The following RBFOX2 variants were observed in gnomAD, a reference collection of about 807,000 sequenced individuals.
The protein encoded by RBFOX2 is RNA binding fox-1 homolog 2, also known as RNA binding protein fox-1 homolog 2.
In RBFOX2, 10 loss-of-function variants were observed where a neutral mutation model predicts 49.1. That is an observed-to-expected ratio of 0.20 (90% CI 0.13 to 0.35). RBFOX2 has a LOEUF of 0.35. RBFOX2 is among the 10% of genes least tolerant of loss of function. The probability of loss-of-function intolerance (pLI) is 1.00; values close to 1 mark genes in which losing one functional copy is unlikely to be tolerated. For synonymous variants in RBFOX2, 183 were observed against 187.4 expected (o/e 0.98, Z 0.19); for missense variants, 323 against 486.9 (o/e 0.66, Z 3.17).
intron 1 of RBFOX2, among the ~76,000 whole-genome samples, chr22:36,023,109 A>G (rs147431491): frequency 2.0e-5 from 3 of 152,328 alleles, no homozygotes; most frequent in Non-Finnish European, 2.9e-5. Context: ...CTTGAATGGT[A>G]GCACCATGCT....
At chr22:35,776,460 ATACATTC>A (rs1420632132) in intron 4 of RBFOX2, among the ~76,000 whole-genome samples, 3 of 152,238 alleles carry the variant, frequency 2.0e-5, no homozygotes, top group African/African-American at 7.2e-5. Context: ...TTTAGTGTTG[ATACATTC>A]TACAAAGGAA....
intron 1 of RBFOX2, among the ~76,000 whole-genome samples, chr22:35,859,993 A>G (rs1298839949): frequency 1.3e-5 from 2 of 152,262 alleles, no homozygotes; most frequent in African/African-American, 4.8e-5. Context: ...ATAATTTCAC[A>G]TACATTATCT....
chr22:35,802,551 G>A lies in RBFOX2; in HGVS notation c.252+7229C>T, dbSNP rs576222223. On this transcript the variant is annotated intron_variant, in intron 2 of 11. Coordinates refer to ENST00000405409, the Ensembl canonical transcript of RBFOX2. ...CTTAGTTTTATCAGGTGAGGGCTGG[G>A]ACCATAAAAACCAGCAATTTTCACT... 2.6e-5 allele frequency among the ~76,000 whole-genome samples: 4 copies of A among 152,268 alleles called. No individual in the cohort carries two copies. The East Asian group carries it at 7.7e-4, about 29-fold the overall frequency.
chr22:35,825,332 G>A (rs1955426439), intron 1 of RBFOX2, among the ~76,000 whole-genome samples: 1 of 151,874 alleles, frequency 6.6e-6, no homozygotes, highest in Admixed American at 6.6e-5. Context: ...TTGGCCAAAG[G>A]TGGGTTACAG....
intron 1 of RBFOX2, among the ~76,000 whole-genome samples, chr22:36,014,729 G>A (rs2058967657): frequency 6.6e-6 from 1 of 152,078 alleles, no homozygotes; most frequent in Non-Finnish European, 1.5e-5. Context: ...CCTAGAGAAA[G>A]AAACGCAGAG....
chr22:36,013,169 G>C (rs919306676), intron 1 of RBFOX2, among the ~76,000 whole-genome samples: 1 of 151,962 alleles, frequency 6.6e-6, no homozygotes, highest in African/African-American at 2.4e-5. Flanking sequence ...ACCTACTTGG[G>C]AGGCTGAAGC....
intron 1 of RBFOX2, among the ~76,000 whole-genome samples, chr22:36,025,104 G>A (rs1319215513): frequency 6.6e-6 from 1 of 152,260 alleles, no homozygotes; most frequent in African/African-American, 2.4e-5. Flanking sequence ...CACTGCGCCC[G>A]GCTAAGATTT....
chr22:35,953,534 G>A (rs560418362), intron 1 of RBFOX2, among the ~76,000 whole-genome samples: 3 of 152,260 alleles, frequency 2.0e-5, no homozygotes, highest in East Asian at 1.9e-4. Context: ...TAATGGATAC[G>A]GGTGATGTAT....
intron 9 of RBFOX2, among the ~76,000 whole-genome samples, chr22:35,754,785 T>C (rs1351053653): frequency 6.6e-6 from 1 of 152,214 alleles, no homozygotes; most frequent in Non-Finnish European, 1.5e-5. Context: ...TAATGAAATA[T>C]GGATTGGTTG....
chr22:35,916,505 C>T (rs140818453), intron 1 of RBFOX2, among the ~76,000 whole-genome samples: 28 of 152,254 alleles, frequency 1.8e-4, no homozygotes, highest in African/African-American at 5.8e-4. Context: ...TGGTCTTGAA[C>T]GCCTAGCCTC....
intron 2 of RBFOX2, among the ~76,000 whole-genome samples, chr22:35,809,397 G>C (rs1951392465): frequency 6.6e-6 from 1 of 151,962 alleles, no homozygotes; most frequent in African/African-American, 2.4e-5. Context: ...ATGTACAGAT[G>C]AAAGAAAGAA....
intron 1 of RBFOX2, among the ~76,000 whole-genome samples, chr22:35,956,828 A>G (rs952449902): frequency 1.3e-5 from 2 of 152,334 alleles, no homozygotes; most frequent in South Asian, 2.1e-4. Flanking sequence ...TATTTGTATT[A>G]CCCATTTTGC....
At chr22:35,766,535 C>T (rs954618237) in intron 5 of RBFOX2, among the ~76,000 whole-genome samples, 1 of 151,858 alleles carries the variant, frequency 6.6e-6, no homozygotes, top group African/African-American at 2.4e-5. Flanking sequence ...GTGATAATCC[C>T]CCATATGAGG....
intron 1 of RBFOX2, among the ~76,000 whole-genome samples, chr22:35,986,485 G>C (rs1175859571): frequency 6.6e-6 from 1 of 152,110 alleles, no homozygotes; most frequent in Non-Finnish European, 1.5e-5. Context: ...TGAAAAACGT[G>C]CACCTCAAAA....
intron 1 of RBFOX2, among the ~76,000 whole-genome samples, chr22:35,929,637 T>C (rs992283882): frequency 2.6e-5 from 4 of 152,154 alleles, no homozygotes; most frequent in Admixed American, 1.3e-4. Flanking sequence ...TTATATAAAA[T>C]GTCCAAAAGC....
At chr22:35,878,751 A>AT (rs2045488346) in intron 1 of RBFOX2, among the ~76,000 whole-genome samples, 1 of 148,012 alleles carries the variant, frequency 6.8e-6, no homozygotes, top group African/African-American at 2.5e-5. Flanking sequence ...CTGTTTTTTT[A>AT]TTTTTTATTT....
intron 1 of RBFOX2, among the ~76,000 whole-genome samples, chr22:35,831,838 T>C (rs1356536035): frequency 6.6e-6 from 1 of 152,208 alleles, no homozygotes; most frequent in African/African-American, 2.4e-5. Context: ...AAGCATTCAT[T>C]TATAATTTCA....
intron 1 of RBFOX2, among the ~76,000 whole-genome samples, chr22:35,812,404 GT>G (rs1295019504): frequency 2.6e-5 from 4 of 152,110 alleles, no homozygotes; most frequent in African/African-American, 7.2e-5. Context: ...GGTTAGGATA[GT>G]TTTTATGATG....
At chr22:35,872,181 C>T (rs1478932079) in intron 1 of RBFOX2, among the ~76,000 whole-genome samples, 3 of 152,054 alleles carry the variant, frequency 2.0e-5, no homozygotes, top group East Asian at 1.9e-4. Flanking sequence ...CTGTAAAATG[C>T]TTGGTATTGA....
Sources: allele counts gnomAD v4.1 joint callset (sites outside exome capture counted in the v4.1 genomes callset), GRCh38; gene constraint gnomAD v4.1.1; transcripts MANE v1.5; gene names NCBI Gene and HGNC (gene_info 2026-07-23, HGNC 2026-07-21).